The following IRAK1BP1 variants were observed in gnomAD, a reference collection of about 807,000 sequenced individuals.
The protein encoded by IRAK1BP1 is interleukin 1 receptor associated kinase 1 binding protein 1.
In IRAK1BP1, 24 loss-of-function variants were observed where a neutral mutation model predicts 28.0. The observed-to-expected ratio is 0.86, with a 90% CI of 0.62 to 1.20. The LOEUF (loss-of-function observed/expected upper bound fraction) is 1.20. IRAK1BP1 is among the 50% of genes most tolerant of loss of function. The probability of loss-of-function intolerance (pLI) is 0.00; values close to 1 mark genes in which losing one functional copy is unlikely to be tolerated. For synonymous variants in IRAK1BP1, 131 were observed against 116.3 expected, an observed-to-expected ratio of 1.13 and a Z score of -0.81; for missense variants, 336 against 316.7, an observed-to-expected ratio of 1.06 and a Z score of -0.46.
the IRAK1BP1 span, among the ~76,000 whole-genome samples, chr6:78,964,721 G>A: frequency 0.02 from 3,055 of 152,188 alleles, 51 homozygotes; most frequent in Admixed American, 0.065. Flanking sequence ...TCCAACACCT[G>A]ACCTCGTGAT....
intron 4 of IRAK1BP1, among the ~76,000 whole-genome samples, chr6:78,923,384 A>G (rs1253888697): frequency 6.6e-6 from 1 of 152,174 alleles, no homozygotes; most frequent in East Asian, 1.9e-4. Flanking sequence ...CTAAATATAT[A>G]TGCACCCAAT....
At chr6:78,966,453 G>GC in the IRAK1BP1 span, among the ~76,000 whole-genome samples, 1 of 152,034 alleles carries the variant, frequency 6.6e-6, no homozygotes, top group Non-Finnish European at 1.5e-5. Context: ...CTTTCTGTAA[G>GC]CAAGTTTCCC....
At position 78,898,071 on chromosome 6, in the gene IRAK1BP1, G is replaced by C; in HGVS notation, c.520G>C (p.Ala174Pro). 1 of 1,609,624 alleles carries C rather than the reference G, an allele frequency of 6.2e-7. No homozygotes were observed. The highest frequency in any genetic ancestry group is 8.5e-7 in the Non-Finnish European group (1 of 1,177,592). Residue 174 changes from alanine (A) to proline (P), a missense_variant, in exon 4 of 4, where the codon GCC becomes CCC. Coordinates refer to ENST00000369940, the MANE Select transcript of IRAK1BP1 (RefSeq NM_001010844.4). ...CTCCATTTAATTCCTAAGACGGCAA[G>C]CCTGTCTTGTTGCTGTTGAGAATGC... ...PGSVENLRRQACLVAVENAWR... is the reference protein window; with the variant it reads ...PGSVENLRRQPCLVAVENAWR...
At chr6:78,954,292 G>A in the IRAK1BP1 span, among the ~76,000 whole-genome samples, 3 of 151,358 alleles carry the variant, frequency 2.0e-5, no homozygotes, top group Admixed American at 6.6e-5. Context: ...ATTTTAAGTA[G>A]AGACGGGATT....
At chr6:78,921,113 G>A (rs993669011) in intron 4 of IRAK1BP1, among the ~76,000 whole-genome samples, 5 of 152,140 alleles carry the variant, frequency 3.3e-5, no homozygotes, top group African/African-American at 9.7e-5. Context: ...AACATGAGCC[G>A]AGCAGGGCGA....
intron 1 of IRAK1BP1, chr6:78,871,573 C>T (rs186052989): frequency 4.6e-5 from 45 of 974,976 alleles, no homozygotes; most frequent in Middle Eastern, 5.2e-4. Context: ...ATGTTTGTTT[C>T]CCCCCAAAAT....
At chr6:78,954,456 C>T in the IRAK1BP1 span, among the ~76,000 whole-genome samples, 6 of 151,958 alleles carry the variant, frequency 3.9e-5, no homozygotes, top group South Asian at 2.1e-4. Context: ...CCTGTAAGGA[C>T]GTAGGCATTA....
At chr6:78,906,601 C>G (rs9448592), downstream of IRAK1BP1, among the ~76,000 whole-genome samples, 800 of 152,186 alleles carry the variant, frequency 5.3e-3, 11 homozygotes, top group African/African-American at 0.018. Context: ...TGGAGTGTTA[C>G]AATTTATTGA....
the IRAK1BP1 span, among the ~76,000 whole-genome samples, chr6:78,954,288 A>G: frequency 5.9e-5 from 9 of 151,626 alleles, no homozygotes; most frequent in African/African-American, 2.2e-4. Context: ...TTGTATTTTA[A>G]GTAGAGACGG....
chr6:78,956,501 T>C, the IRAK1BP1 span: 6 of 152,156 alleles, frequency 3.9e-5, no homozygotes, highest in African/African-American at 1.4e-4. Flanking sequence ...GTGTAAAACA[T>C]GTTATTCTCA....
the IRAK1BP1 span, among the ~76,000 whole-genome samples, chr6:78,965,016 C>T: frequency 6.6e-6 from 1 of 152,118 alleles, no homozygotes; most frequent in African/African-American, 2.4e-5. Flanking sequence ...TTGGTCCCAA[C>T]GTCCTTTTCT....
At chr6:78,959,298 C>G in the IRAK1BP1 span, among the ~76,000 whole-genome samples, 3 of 152,032 alleles carry the variant, frequency 2.0e-5, no homozygotes, top group East Asian at 5.8e-4. Context: ...TGATTGTGAA[C>G]AGAAATACAA....
chr6:78,919,404 G>C (rs1772657958), intron 4 of IRAK1BP1, among the ~76,000 whole-genome samples: 2 of 152,076 alleles, frequency 1.3e-5, no homozygotes, highest in Admixed American at 1.3e-4. Context: ...GAGACCCAAA[G>C]CTGGCTCTTT....
chr6:78,962,037 C>T, the IRAK1BP1 span, among the ~76,000 whole-genome samples: 2 of 151,974 alleles, frequency 1.3e-5, no homozygotes, highest in Middle Eastern at 3.4e-3. Flanking sequence ...ATAGGTTCAC[C>T]GGGAGAAAGA....
chr6:78,948,906 T>A (rs1165615671), downstream of IRAK1BP1, among the ~76,000 whole-genome samples: 1 of 152,222 alleles, frequency 6.6e-6, no homozygotes, highest in African/African-American at 2.4e-5. Flanking sequence ...ATGAAGAAGG[T>A]GTCCTATAAG....
intron 2 of IRAK1BP1, among the ~76,000 whole-genome samples, chr6:78,897,077 C>T (rs997932897): frequency 6.6e-6 from 1 of 151,180 alleles, no homozygotes; most frequent in Non-Finnish European, 1.5e-5. Flanking sequence ...TAGTGAGACT[C>T]CACCTCTACA....
At chr6:78,932,300 G>A (rs780939504) in intron 4 of IRAK1BP1, among the ~76,000 whole-genome samples, 10 of 151,766 alleles carry the variant, frequency 6.6e-5, no homozygotes, top group Non-Finnish European at 1.5e-4. Flanking sequence ...AATCACGAAC[G>A]TTCTTAATGG....
intron 1 of IRAK1BP1, among the ~76,000 whole-genome samples, chr6:78,881,570 A>C (rs1771230146): frequency 6.6e-6 from 1 of 152,180 alleles, no homozygotes; most frequent in Non-Finnish European, 1.5e-5. Flanking sequence ...TCCCAGGATA[A>C]AATTTATTCT....
downstream of IRAK1BP1, among the ~76,000 whole-genome samples, chr6:78,904,917 A>T (rs1772224330): frequency 1.3e-5 from 2 of 151,680 alleles, no homozygotes; most frequent in African/African-American, 2.4e-5. Flanking sequence ...TTTTCAATGT[A>T]CCTATTTCTA....
Sources: allele counts gnomAD v4.1 joint callset (sites outside exome capture counted in the v4.1 genomes callset), GRCh38; gene constraint gnomAD v4.1.1; transcripts MANE v1.5; gene names NCBI Gene and HGNC (gene_info 2026-07-23, HGNC 2026-07-21).